PRMT7: variants seen among roughly 807,000 people sequenced by gnomAD.
PRMT7 encodes protein arginine N-methyltransferase 7.
PRMT7 carries 75 observed loss-of-function variants against 85.4 expected under a neutral mutation model. The observed-to-expected ratio is 0.88, with a 90% confidence interval of 0.73 to 1.06. The LOEUF (loss-of-function observed/expected upper bound fraction) is 1.06, where lower values mean the gene tolerates loss of function less well. PRMT7 is among the 50% of genes least tolerant of loss of function. The probability of loss-of-function intolerance (pLI) is 0.00; values close to 1 mark genes in which losing one functional copy is unlikely to be tolerated. For synonymous variants in PRMT7, 397 were observed against 359.5 expected, an observed-to-expected ratio of 1.10 and a Z score of -1.18; for missense variants, 868 against 915.2, an observed-to-expected ratio of 0.95 and a Z score of 0.67.
intron 14 of PRMT7, among the ~76,000 whole-genome samples, chr16:68,349,226 C>T (rs2151866410): frequency 6.6e-6 from 1 of 152,274 alleles, no homozygotes; most frequent in East Asian, 1.9e-4. Context: ...CCCTCACCTT[C>T]CTGGCTGCTC....
At chr16:68,360,008 A>C (rs901551409), downstream of PRMT7, 6 of 152,628 alleles carry the variant, frequency 3.9e-5, no homozygotes, top group Non-Finnish European at 8.8e-5. Context: ...CGCACTGGTG[A>C]GGGCCAGGCT....
intron 17 of PRMT7, among the ~76,000 whole-genome samples, 157 bp downstream of exon 17, chr16:68,356,040 C>T (rs944026860): frequency 3.3e-5 from 5 of 152,222 alleles, no homozygotes; most frequent in Admixed American, 6.5e-5. Context: ...AGTGGCCCTG[C>T]GCGTGTGGTG....
At chr16:68,347,791 C>G (rs1188746012) in intron 13 of PRMT7, 113 bp downstream of exon 13, 1 of 958,926 alleles carries the variant, frequency 1.0e-6, no homozygotes, top group South Asian at 1.5e-5. Context: ...TCGCTTGCAC[C>G]CCTGTGTTGT....
chr16:68,329,202 GC>G, intron 6 of PRMT7, 28 bp downstream of exon 6: 1 of 1,485,674 alleles, frequency 6.7e-7, no homozygotes, highest in Non-Finnish European at 9.4e-7. Context: ...TGTGTTGAAA[GC>G]TTTGCTTGCT....
intron 6 of PRMT7, chr16:68,329,405 A>C (rs2083544165): frequency 2.9e-6 from 1 of 342,508 alleles, no homozygotes; most frequent in Non-Finnish European, 5.5e-6. Flanking sequence ...TGGAGACGCA[A>C]ACAAAACCTA....
At chr16:68,340,321 T>C (rs375290549) in intron 9 of PRMT7, among the ~76,000 whole-genome samples, 14 of 152,220 alleles carry the variant, frequency 9.2e-5, no homozygotes, top group African/African-American at 1.4e-4. Flanking sequence ...TTCTGTGGCC[T>C]CAAAATCTCC....
chr16:68,315,727 A>G, intron 2 of PRMT7, 170 bp from the exon 3 acceptor site: 1 of 462,690 alleles, frequency 2.2e-6, no homozygotes, highest in Non-Finnish European at 3.9e-6. Context: ...CATTTACAAT[A>G]TCGATTAACA....
At chr16:68,322,066 A>G (rs997485384) in intron 4 of PRMT7, among the ~76,000 whole-genome samples, 1 of 151,874 alleles carries the variant, frequency 6.6e-6, no homozygotes, top group African/African-American at 2.4e-5. Flanking sequence ...TCCTGCCTCA[A>G]CCTGCCTAAG....
In PRMT7 at chr16:68,357,461, C is replaced by G. The variant is rs1048429527; in HGVS notation, c.*237C>G. 2.4e-5 allele frequency: 12 copies of G among 501,574 alleles called. No individual in the cohort carries two copies. Among genetic ancestry groups the G allele is most frequent in the Admixed American group, 1.5e-4 (4 of 26,004 alleles). 31.1% of individuals were successfully genotyped at this position (501,574 alleles called of 1,614,324 possible). ...GGAGCCCTGGAGGGGCTGGGAAGAC[C>G]CCCCTGCTTGTGCTTCTGAGGTGCT... On this transcript the variant is annotated 3_prime_UTR_variant, in exon 19 of 19. Coordinates refer to ENST00000441236, the MANE Select transcript of PRMT7 (RefSeq NM_019023.5).
chr16:68,320,092 G>T (rs1037245278), intron 3 of PRMT7, among the ~76,000 whole-genome samples: 5 of 152,090 alleles, frequency 3.3e-5, no homozygotes, highest in African/African-American at 4.8e-5. Flanking sequence ...CCCTAATACC[G>T]CATCAGTGGT....
In PRMT7 at chr16:68,315,926, A is replaced by G; in HGVS notation, c.-54A>G. ...CTGACAGTCAGACTTGTCCACAAGA[A>G]CTCAACTGGCAAGGCTGCTTTTCTG... is the stretch of plus-strand genomic sequence containing the variant. On this transcript the variant is annotated 5_prime_UTR_variant, in exon 3 of 19. Transcript: ENST00000441236. 1 of 1,459,198 alleles carries G rather than the reference A, an allele frequency of 6.9e-7. No individual in the cohort carries two copies. The highest frequency in any genetic ancestry group is 9.6e-7 in the Non-Finnish European group (1 of 1,042,062). The allele number at this position is 1,459,198 out of a possible 1,614,324, so 90.4% of individuals were successfully genotyped here.
intron 9 of PRMT7, among the ~76,000 whole-genome samples, chr16:68,343,030 C>A (rs1826364): frequency 0.53 from 80,162 of 151,830 alleles, 21,616 homozygotes; most frequent in East Asian, 0.78. Flanking sequence ...CATGTTGAAA[C>A]CCTGTCTCTA....
chr16:68,331,157 T>G (rs2083836211), intron 6 of PRMT7, among the ~76,000 whole-genome samples: 1 of 152,156 alleles, frequency 6.6e-6, no homozygotes, highest in South Asian at 2.1e-4. Flanking sequence ...CATTATAGAT[T>G]AGATTTGCCT....
intron 4 of PRMT7, chr16:68,322,292 T>TAAAATA: frequency 2.9e-6 from 1 of 347,688 alleles, no homozygotes; most frequent in Non-Finnish European, 5.9e-6. Flanking sequence ...CTAGACTTCT[T>TAAAATA]GGGCTTAAGC....
chr16:68,346,366 C>G (rs2086370317), intron 11 of PRMT7, 86 bp downstream of exon 11: 2 of 1,580,662 alleles, frequency 1.3e-6, no homozygotes, highest in African/African-American at 1.3e-5. Context: ...TTATGATTTG[C>G]TGTTTCTTTC....
intron 9 of PRMT7, among the ~76,000 whole-genome samples, 177 bp from the exon 10 acceptor site, chr16:68,345,498 C>G (rs979703240): frequency 2.0e-5 from 3 of 152,226 alleles, no homozygotes; most frequent in African/African-American, 7.2e-5. Flanking sequence ...TTCCCGCAAA[C>G]TTTTGGGCCA....
chr16:68,347,681 A>G lies in PRMT7; in HGVS notation c.1323+3A>G. ...CTTCTCACAAACTGTTGAGAAAAGT[A>G]AGTGAGAATTGTTGTTGCTGAAATA... On this transcript the variant is annotated splice_donor_region_variant and intron_variant, in intron 13 of 18. Coordinates refer to ENST00000441236, the MANE Select transcript of PRMT7 (RefSeq NM_019023.5). 1 of 1,613,686 alleles carries G rather than the reference A, an allele frequency of 6.2e-7. No homozygotes were observed.
chr16:68,347,153 C>G (rs1010299995), intron 11 of PRMT7, 58 bp from the exon 12 acceptor site: 1 of 1,468,268 alleles, frequency 6.8e-7, no homozygotes, highest in Admixed American at 2.0e-5. Flanking sequence ...AGCTTGCCAG[C>G]AGGAATCTTC....
chr16:68,344,423 G>A (rs531636982), intron 9 of PRMT7, among the ~76,000 whole-genome samples: 1 of 152,270 alleles, frequency 6.6e-6, no homozygotes, highest in African/African-American at 2.4e-5. Context: ...CAAACGCGTG[G>A]GTGTCATCGG....
Sources: gnomAD v4.1 joint callset for allele counts (sites outside exome capture counted in the v4.1 genomes callset) on GRCh38, gnomAD v4.1.1 for gene constraint, MANE v1.5 for transcripts, NCBI Gene and HGNC (gene_info 2026-07-23, HGNC 2026-07-21) for gene names.